Variants in MAN1A2 observed in about 807,000 individuals in gnomAD.
MAN1A2 encodes mannosyl-oligosaccharide 1,2-alpha-mannosidase IB.
In MAN1A2, 26 loss-of-function variants were observed where a neutral mutation model predicts 75.7. The ratio of observed to expected loss-of-function variants is 0.34; its 90% CI spans 0.25 to 0.48. The LOEUF is 0.48. Ranked by LOEUF, MAN1A2 falls within the 20% of genes least tolerant of loss-of-function variation. MAN1A2 has a pLI of 0.99. For missense variants in MAN1A2, 562 were observed against 775.5 expected (o/e 0.72, Z 3.27); for synonymous variants, 247 against 264.6 (o/e 0.93, Z 0.65).
chr1:117,428,458 GACA>G (rs1221476962), intron 5 of MAN1A2, among the ~76,000 whole-genome samples: 4 of 151,726 alleles, frequency 2.6e-5, no homozygotes, highest in South Asian at 2.1e-4. Flanking sequence ...AGGAATAGAG[GACA>G]ACAACAAAAA....
intron 11 of MAN1A2, among the ~76,000 whole-genome samples, chr1:117,502,342 T>C (rs879486818): frequency 1.3e-4 from 20 of 151,720 alleles, no homozygotes; most frequent in Admixed American, 7.2e-4. Flanking sequence ...GGCTAACTCA[T>C]AGGATTATGA....
At chr1:117,424,770 C>T (rs1648310997) in intron 5 of MAN1A2, among the ~76,000 whole-genome samples, 1 of 152,144 alleles carries the variant, frequency 6.6e-6, no homozygotes, top group African/African-American at 2.4e-5. Flanking sequence ...AGAGAGGTGC[C>T]TTTCTTCATA....
intron 7 of MAN1A2, among the ~76,000 whole-genome samples, chr1:117,464,356 C>CA (rs55923337): frequency 2.0e-4 from 26 of 132,020 alleles, no homozygotes; most frequent in East Asian, 8.7e-4. Context: ...AAGACTCTGT[C>CA]AAAAAAAAAA....
intron 8 of MAN1A2, among the ~76,000 whole-genome samples, chr1:117,479,380 T>G (rs1650421464): frequency 6.6e-6 from 1 of 152,002 alleles, no homozygotes; most frequent in Non-Finnish European, 1.5e-5. Context: ...ATGTCTTCAC[T>G]ATTGTGAATA....
rs761405973 is a variant in MAN1A2 at position 117,504,221 on chromosome 1, A to AG, written c.1793+1252dup. On this transcript the variant is annotated intron_variant, in intron 12 of 12. Transcript: ENST00000356554. ...CTTTAGTTGTACACTAGCTACATCT[A>AG]GCTGAATGAACATGTCAAAATAAAA... Among the ~76,000 whole-genome samples the AG allele has an allele frequency of 3.6e-4, 54 of 151,516 alleles. 1 individual carries two copies. The highest frequency in any genetic ancestry group is 2.0e-3 in the Admixed American group (30 of 15,152).
chr1:117,386,067 A>AT (rs1653515821), intron 1 of MAN1A2, among the ~76,000 whole-genome samples: 1 of 152,208 alleles, frequency 6.6e-6, no homozygotes, highest in Non-Finnish European at 1.5e-5. Flanking sequence ...TGTTAGGAAG[A>AT]TTAAGTATCT....
chr1:117,503,217 T>G (rs553821634), intron 12 of MAN1A2, among the ~76,000 whole-genome samples: 6 of 151,682 alleles, frequency 4.0e-5, no homozygotes, highest in African/African-American at 1.4e-4. Context: ...TAATGTGCAT[T>G]AAAATCACCT....
Position 117,437,643 on chromosome 1 carries a change from CT to C in MAN1A2, c.856-4586del, listed in dbSNP as rs1392649113. Among the ~76,000 whole-genome samples the C allele has an allele frequency of 3.9e-5, 6 of 152,140 alleles. No homozygotes were observed. The East Asian group carries it at 1.2e-3, about 29-fold the overall frequency. ...CTAACTGCTTAACTACCTGTATGAC[CT>C]TGTGAAATACATTACTTATTCATTT... On this transcript the variant is annotated intron_variant, in intron 5 of 12. Coordinates refer to ENST00000356554, the MANE Select transcript of MAN1A2 (RefSeq NM_006699.5).
At chr1:117,520,847 G>A (rs1314287000) in intron 12 of MAN1A2, among the ~76,000 whole-genome samples, 1 of 151,908 alleles carries the variant, frequency 6.6e-6, no homozygotes, top group Non-Finnish European at 1.5e-5. Context: ...CAAAAAAAGA[G>A]CCTACATAGC....
At chr1:117,384,234 T>C (rs1653446486) in intron 1 of MAN1A2, among the ~76,000 whole-genome samples, 1 of 152,190 alleles carries the variant, frequency 6.6e-6, no homozygotes, top group African/African-American at 2.4e-5. Flanking sequence ...TTTAGATCTT[T>C]TAAATGTAGG....
rs33969366 is a variant in MAN1A2 at position 117,375,915 on chromosome 1, G to GTTT, written c.302+7442_302+7444dup. Among the ~76,000 whole-genome samples the GTTT allele has an allele frequency of 7.2e-3, 1,019 of 140,928 alleles. 19 individuals carry two copies. Among genetic ancestry groups the GTTT allele is most frequent in the African/African-American group, 0.02 (778 of 38,082 alleles). The allele number at this position is 140,928 out of a possible 152,430, so 92.5% of individuals were successfully genotyped here. A position where few individuals can be genotyped will look rare whatever the true frequency, so the allele number is the denominator to read the frequency against. On this transcript the variant is annotated intron_variant, in intron 1 of 12. Transcript: ENST00000356554. The stretch of plus-strand genomic sequence containing the variant: ...GATGTATTTAAGATAATTAATTTAT[G>GTTT]TTTTTTTTTTTTTTGAGACGGAGTC...
chr1:117,435,786 G>A (rs970154715), intron 5 of MAN1A2, among the ~76,000 whole-genome samples: 16 of 152,278 alleles, frequency 1.1e-4, no homozygotes, highest in East Asian at 7.7e-4. Context: ...GGCCTTGCGC[G>A]GTGGCTCATG....
At chr1:117,441,382 G>GT (rs1649026217) in intron 5 of MAN1A2, among the ~76,000 whole-genome samples, 1 of 152,040 alleles carries the variant, frequency 6.6e-6, no homozygotes, top group Non-Finnish European at 1.5e-5. Context: ...TTTGGCTGCA[G>GT]TAAAAAGATG....
intron 6 of MAN1A2, among the ~76,000 whole-genome samples, chr1:117,443,037 G>A (rs1417733047): frequency 1.3e-5 from 2 of 152,200 alleles, no homozygotes; most frequent in East Asian, 3.9e-4. Flanking sequence ...ACTGAAATTT[G>A]TTGTGCTCAT....
intron 1 of MAN1A2, among the ~76,000 whole-genome samples, chr1:117,371,338 CT>C (rs374634532): frequency 6.6e-6 from 1 of 152,214 alleles, no homozygotes; most frequent in East Asian, 1.9e-4. Context: ...TTTCATGAAA[CT>C]TTCAATCTAG....
intron 1 of MAN1A2, among the ~76,000 whole-genome samples, chr1:117,376,789 ATTGTGT>A (rs1022203569): frequency 1.3e-5 from 2 of 152,196 alleles, no homozygotes; most frequent in African/African-American, 4.8e-5. Flanking sequence ...GTTAAAGATG[ATTGTGT>A]CTGTACTGAA....
chr1:117,429,879 A>T (rs370002750), intron 5 of MAN1A2, among the ~76,000 whole-genome samples: 1 of 36,120 alleles, frequency 2.8e-5, no homozygotes. Context: ...CCTCCCTCCC[A>T]GATGGGGCGG....
chr1:117,471,654 G>GTT (rs1415010940), intron 8 of MAN1A2, among the ~76,000 whole-genome samples: 1 of 147,472 alleles, frequency 6.8e-6, no homozygotes, highest in Non-Finnish European at 1.5e-5. Flanking sequence ...ACTTGAGAAG[G>GTT]TTTTTTTTTT....
intron 1 of MAN1A2, among the ~76,000 whole-genome samples, chr1:117,381,992 A>G (rs1011088089): frequency 9.9e-5 from 15 of 151,618 alleles, no homozygotes; most frequent in Non-Finnish European, 1.8e-4. Context: ...TTCTTTTGAG[A>G]AGTGTCTGTT....
Sources: allele counts gnomAD v4.1 joint callset (sites outside exome capture counted in the v4.1 genomes callset), GRCh38; gene constraint gnomAD v4.1.1; transcripts MANE v1.5; gene names NCBI Gene and HGNC (gene_info 2026-07-23, HGNC 2026-07-21).